NRXN3: variants seen among roughly 807,000 people sequenced by gnomAD.
NRXN3 encodes neurexin 3.
Under a neutral mutation model 137.6 loss-of-function variants are expected in NRXN3, and 32 were observed. The ratio of observed to expected loss-of-function variants is 0.23; its 90% confidence interval spans 0.18 to 0.31. The LOEUF is 0.31. NRXN3 is among the 10% of genes least tolerant of loss of function. NRXN3 has a pLI of 1.00. For synonymous variants in NRXN3, 798 were observed against 784.5 expected (o/e 1.02, Z -0.29); for missense variants, 1,574 against 2,062.5 (o/e 0.76, Z 4.59).
intron 15 of NRXN3, among the ~76,000 whole-genome samples, chr14:79,276,480 C>G (rs759931262): frequency 3.3e-5 from 5 of 152,092 alleles, no homozygotes; most frequent in Non-Finnish European, 7.3e-5. Context: ...CCAAAATTCA[C>G]GGTGACTTCT....
At chr14:79,558,791 C>T (rs1054282912) in intron 16 of NRXN3, among the ~76,000 whole-genome samples, 12 of 152,132 alleles carry the variant, frequency 7.9e-5, no homozygotes, top group African/African-American at 2.9e-4. Context: ...CCCAAGACTA[C>T]ACCTTCGTCC....
At chr14:79,597,949 T>C (rs2153830538) in intron 16 of NRXN3, among the ~76,000 whole-genome samples, 1 of 152,238 alleles carries the variant, frequency 6.6e-6, no homozygotes, top group African/African-American at 2.4e-5. Flanking sequence ...ACGTGAAGGG[T>C]TAAGCATTCC....
At chr14:79,570,556 G>A (rs974199211) in intron 16 of NRXN3, 1 of 152,160 alleles carries the variant, frequency 6.6e-6, no homozygotes, top group African/African-American at 2.4e-5. Context: ...ACCCTGAGAT[G>A]CTGACTGTGC....
chr14:78,187,102 C>T (rs770698713), intron 1 of NRXN3, among the ~76,000 whole-genome samples: 2 of 152,122 alleles, frequency 1.3e-5, no homozygotes, highest in Admixed American at 6.5e-5. Flanking sequence ...CCAAGCTTTT[C>T]GTGTGCTGTT....
At chr14:79,479,446 A>T (rs2096587745) in intron 16 of NRXN3, among the ~76,000 whole-genome samples, 1 of 152,056 alleles carries the variant, frequency 6.6e-6, no homozygotes, top group Non-Finnish European at 1.5e-5. Flanking sequence ...GAGGACTTAG[A>T]CTTAATCATT....
chr14:78,244,426 T>C (rs1296887431), intron 2 of NRXN3, among the ~76,000 whole-genome samples: 2 of 147,278 alleles, frequency 1.4e-5, no homozygotes, highest in African/African-American at 2.5e-5. Flanking sequence ...TGAGACTGTC[T>C]CAAAAAAGAA....
chr14:78,751,149 C>T (rs1027977682), intron 8 of NRXN3, among the ~76,000 whole-genome samples: 2 of 152,220 alleles, frequency 1.3e-5, no homozygotes, highest in African/African-American at 4.8e-5. Flanking sequence ...ATATTCTTTA[C>T]AATTTCACAG....
At chr14:79,627,395 C>G (rs1245596144) in intron 16 of NRXN3, among the ~76,000 whole-genome samples, 6 of 152,242 alleles carry the variant, frequency 3.9e-5, no homozygotes, top group African/African-American at 1.4e-4. Context: ...CCTTTCTTCC[C>G]TTTGGCTTCA....
intron 4 of NRXN3, among the ~76,000 whole-genome samples, chr14:78,617,995 A>G (rs186036880): frequency 1.3e-5 from 2 of 151,764 alleles, no homozygotes; most frequent in East Asian, 2.0e-4. Flanking sequence ...TTCATCATCT[A>G]TCCATCCACC....
chr14:78,797,311 TC>T (rs1177750499), intron 8 of NRXN3, among the ~76,000 whole-genome samples: 1 of 152,124 alleles, frequency 6.6e-6, no homozygotes, highest in Admixed American at 6.5e-5. Flanking sequence ...AGTCCAGCTT[TC>T]AATAAAAAAT....
At chr14:78,893,141 T>C (rs1597076942) in intron 10 of NRXN3, among the ~76,000 whole-genome samples, 1 of 151,830 alleles carries the variant, frequency 6.6e-6, no homozygotes, top group Admixed American at 6.6e-5. Flanking sequence ...ATCTTTCTCT[T>C]CCCCTGGGTC....
chr14:78,413,825 TACGGC>T (rs1264558612), intron 4 of NRXN3, among the ~76,000 whole-genome samples: 1 of 152,200 alleles, frequency 6.6e-6, no homozygotes, highest in Non-Finnish European at 1.5e-5. Context: ...GCCCATCTGA[TACGGC>T]TTAGCTCTGT....
At chr14:79,127,486 A>G (rs2056725281) in intron 15 of NRXN3, among the ~76,000 whole-genome samples, 1 of 152,180 alleles carries the variant, frequency 6.6e-6, no homozygotes, top group South Asian at 2.1e-4. Flanking sequence ...AGATAGTTGT[A>G]GATATGCGGC....
chr14:78,838,936 C>A (rs1016062134), intron 10 of NRXN3, among the ~76,000 whole-genome samples: 2 of 152,042 alleles, frequency 1.3e-5, no homozygotes, highest in Non-Finnish European at 2.9e-5. Context: ...TGCTTCATAC[C>A]CTCTACTAGC....
chr14:78,873,434 G>T (rs986466091), intron 10 of NRXN3, among the ~76,000 whole-genome samples: 3 of 152,124 alleles, frequency 2.0e-5, no homozygotes, highest in African/African-American at 4.8e-5. Context: ...GTACAGTATG[G>T]AATATGTTCA....
chr14:78,759,782 A>G (rs887846943), intron 8 of NRXN3, among the ~76,000 whole-genome samples: 2 of 152,240 alleles, frequency 1.3e-5, no homozygotes, highest in Non-Finnish European at 2.9e-5. Context: ...AATTTGTCTC[A>G]GCCTTGGAAG....
At chr14:78,867,727 C>T (rs987034070) in intron 10 of NRXN3, among the ~76,000 whole-genome samples, 19 of 152,018 alleles carry the variant, frequency 1.2e-4, no homozygotes, top group Non-Finnish European at 2.2e-4. Flanking sequence ...TAGGCCTTGC[C>T]GTGTTACCCC....
chr14:78,965,945 A>C (rs540774422), intron 11 of NRXN3, 80 bp from the exon 12 acceptor site: 1 of 1,474,960 alleles, frequency 6.8e-7, no homozygotes, highest in African/African-American at 1.4e-5. Context: ...GAAACAGGTT[A>C]CACCCAAAAA....
chr14:79,080,189 G>A (rs2046700546), intron 15 of NRXN3, among the ~76,000 whole-genome samples: 1 of 152,114 alleles, frequency 6.6e-6, no homozygotes, highest in African/African-American at 2.4e-5. Context: ...TTCTTTGTGA[G>A]GAAATCTGAA....
Sources: gnomAD v4.1 joint callset for allele counts (sites outside exome capture counted in the v4.1 genomes callset) on GRCh38, gnomAD v4.1.1 for gene constraint, MANE v1.5 for transcripts, NCBI Gene and HGNC (gene_info 2026-07-23, HGNC 2026-07-21) for gene names.